The following MDGA2 variants were observed in gnomAD, a reference collection of about 807,000 sequenced individuals.
The protein encoded by MDGA2 is MAM domain containing glycosylphosphatidylinositol anchor 2.
Under a neutral mutation model 117.8 loss-of-function variants are expected in MDGA2, and 40 were observed. That is an observed-to-expected ratio of 0.34 (90% CI 0.26 to 0.44). The LOEUF (loss-of-function observed/expected upper bound fraction) is 0.44, where lower values mean the gene tolerates loss of function less well. Among genes scored for constraint, MDGA2 ranks in the 20% least tolerant of loss-of-function variants. The pLI, the probability that MDGA2 is intolerant of heterozygous loss-of-function variation, is 1.00. For missense variants in MDGA2, 1,123 were observed against 1,250.6 expected (o/e 0.90, Z 1.54); for synonymous variants, 452 against 439.0 (o/e 1.03, Z -0.37).
intron 10 of MDGA2, among the ~76,000 whole-genome samples, chr14:46,908,643 A>C (rs1385571830): frequency 6.6e-6 from 1 of 152,172 alleles, no homozygotes; most frequent in African/African-American, 2.4e-5. Context: ...CAAAATATAT[A>C]GATTTAAACT....
At chr14:47,308,334 A>G (rs1279226128) in intron 1 of MDGA2, among the ~76,000 whole-genome samples, 4 of 152,122 alleles carry the variant, frequency 2.6e-5, no homozygotes, top group Non-Finnish European at 5.9e-5. Context: ...TGCAAAGAAT[A>G]ATTACTTTAA....
chr14:47,469,410 T>C (rs1471316177), intron 1 of MDGA2, among the ~76,000 whole-genome samples: 1 of 152,104 alleles, frequency 6.6e-6, no homozygotes, highest in East Asian at 1.9e-4. Context: ...CGGTGTTTGG[T>C]TTTTTGTCCT....
intron 1 of MDGA2, among the ~76,000 whole-genome samples, chr14:47,448,102 T>C (rs543740035): frequency 4.0e-5 from 6 of 151,578 alleles, no homozygotes; most frequent in Non-Finnish European, 7.4e-5. Context: ...TCCAGAAAGA[T>C]GAAGCTTTAT....
intron 9 of MDGA2, among the ~76,000 whole-genome samples, chr14:46,955,179 T>C (rs1274538497): frequency 6.6e-6 from 1 of 152,000 alleles, no homozygotes; most frequent in Non-Finnish European, 1.5e-5. Flanking sequence ...ACTATTAAAA[T>C]AGAACTATTT....
In MDGA2 at chr14:46,957,734, C is replaced by G. The variant is rs1226240069; in HGVS notation, c.1820-91G>C. The G allele has an allele frequency of 2.2e-6, 3 of 1,381,886 alleles. No homozygotes were observed. In the African/African-American group the frequency reaches 4.3e-5, roughly 20 times the overall value. 85.6% of individuals were successfully genotyped at this position (1,381,886 alleles called of 1,614,324 possible). A position where few individuals can be genotyped will look rare whatever the true frequency, so the allele number is the denominator to read the frequency against. ...TTAGAAGAAGCCATTTGCAGTAACA[C>G]ATGCAGCAATAGAGGAGGAGTGTAG... On this transcript the variant is annotated intron_variant, in intron 8 of 16. Coordinates refer to ENST00000399232, the MANE Select transcript of MDGA2 (RefSeq NM_001113498.3).
intron 1 of MDGA2, among the ~76,000 whole-genome samples, chr14:47,565,446 G>C (rs1252661297): frequency 6.6e-6 from 1 of 152,106 alleles, no homozygotes; most frequent in African/African-American, 2.4e-5. Context: ...TTTAACTTTG[G>C]GGGGCTGTTA....
chr14:47,447,242 C>T (rs1040363360), intron 1 of MDGA2, among the ~76,000 whole-genome samples: 4 of 152,140 alleles, frequency 2.6e-5, no homozygotes, highest in Non-Finnish European at 5.9e-5. Context: ...TGGCTTGGTA[C>T]TGCTAGCCTG....
chr14:47,428,356 G>T (rs1892731373), intron 1 of MDGA2, among the ~76,000 whole-genome samples: 1 of 151,938 alleles, frequency 6.6e-6, no homozygotes, highest in African/African-American at 2.4e-5. Context: ...TTTTAATTAG[G>T]CATTTTATCT....
chr14:47,450,359 A>G (rs140915167), intron 1 of MDGA2, among the ~76,000 whole-genome samples: 232 of 152,154 alleles, frequency 1.5e-3, no homozygotes, highest in African/African-American at 5.5e-3. Flanking sequence ...GAAGAAAGGT[A>G]TATCTCACAG....
chr14:47,196,787 A>G (rs916002758), intron 3 of MDGA2, among the ~76,000 whole-genome samples: 3 of 152,168 alleles, frequency 2.0e-5, no homozygotes, highest in African/African-American at 7.2e-5. Context: ...ATAATACCTA[A>G]TAGGTAGCCT....
intron 14 of MDGA2, among the ~76,000 whole-genome samples, chr14:46,860,576 T>C (rs1190660079): frequency 6.6e-6 from 1 of 151,998 alleles, no homozygotes; most frequent in Non-Finnish European, 1.5e-5. Context: ...AATTACCTTC[T>C]ATCATTTTTC....
intron 10 of MDGA2, among the ~76,000 whole-genome samples, chr14:46,907,253 C>T (rs1326105596): frequency 1.3e-5 from 2 of 152,176 alleles, no homozygotes; most frequent in Non-Finnish European, 1.5e-5. Flanking sequence ...GCTGGGGTTA[C>T]AGGCGTGAGC....
At chr14:47,168,305 AC>A (rs1450947598) in intron 3 of MDGA2, among the ~76,000 whole-genome samples, 9 of 151,030 alleles carry the variant, frequency 6.0e-5, no homozygotes, top group Non-Finnish European at 1.0e-4. Flanking sequence ...AAAAAAAAAA[AC>A]CTTAACATCT....
intron 9 of MDGA2, among the ~76,000 whole-genome samples, chr14:46,935,391 A>G (rs1421029555): frequency 6.6e-6 from 1 of 152,136 alleles, no homozygotes; most frequent in Non-Finnish European, 1.5e-5. Flanking sequence ...TCCCTAAAGT[A>G]TCTAGTCAAT....
chr14:46,933,155 CTGATA>C (rs1884642411), intron 9 of MDGA2, among the ~76,000 whole-genome samples: 2 of 151,996 alleles, frequency 1.3e-5, no homozygotes, highest in African/African-American at 4.8e-5. Flanking sequence ...GAATGCTAAC[CTGATA>C]TATTTCCCAT....
intron 2 of MDGA2, among the ~76,000 whole-genome samples, chr14:47,264,112 A>G (rs960754072): frequency 2.6e-5 from 4 of 152,164 alleles, no homozygotes; most frequent in African/African-American, 7.2e-5. Context: ...TAATAACTGC[A>G]ATTGTTTTCA....
At chr14:47,282,625 G>A (rs1244137891) in intron 2 of MDGA2, among the ~76,000 whole-genome samples, 1 of 151,934 alleles carries the variant, frequency 6.6e-6, no homozygotes, top group Non-Finnish European at 1.5e-5. Context: ...GTGAACCAGG[G>A]AGGTGGAGCT....
intron 2 of MDGA2, among the ~76,000 whole-genome samples, chr14:47,279,772 C>A (rs1310824742): frequency 6.6e-6 from 1 of 152,112 alleles, no homozygotes; most frequent in African/African-American, 2.4e-5. Flanking sequence ...TACACACACA[C>A]TTTTTCTTTT....
In MDGA2 at chr14:46,897,468, G is replaced by A. The variant is rs138151793; in HGVS notation, c.2239-15247C>T. ...ACAACATTCTATTTTAATGGAAAAT[G>A]TTGCACAATATCGTAGATTGATTCA... On this transcript the variant is annotated intron_variant, in intron 10 of 16. Coordinates refer to ENST00000399232, the MANE Select transcript of MDGA2 (RefSeq NM_001113498.3). 2.6e-5 allele frequency among the ~76,000 whole-genome samples: 4 copies of A among 152,188 alleles called. No individual in the cohort carries two copies. In the East Asian group the frequency reaches 7.7e-4, roughly 29 times the overall value.
Sources: allele counts gnomAD v4.1 joint callset (sites outside exome capture counted in the v4.1 genomes callset), GRCh38; gene constraint gnomAD v4.1.1; transcripts MANE v1.5; gene names NCBI Gene and HGNC (gene_info 2026-07-23, HGNC 2026-07-21).